Variants in FAM135A observed in about 807,000 individuals in gnomAD.
FAM135A encodes protein FAM135A.
FAM135A carries 79 observed loss-of-function variants against 146.8 expected under a neutral mutation model. The observed-to-expected ratio is 0.54, with a 90% CI of 0.45 to 0.65. The LOEUF is 0.65. Ranked by LOEUF, FAM135A falls within the 30% of genes least tolerant of loss-of-function variation. FAM135A has a pLI of 0.00. For synonymous variants in FAM135A, 562 were observed against 603.6 expected, an observed-to-expected ratio of 0.93 and a Z score of 1.01; for missense variants, 1,623 against 1,758.2, an observed-to-expected ratio of 0.92 and a Z score of 1.38.
chr6:70,452,783 AATGT>A (rs1777413116), intron 5 of FAM135A, among the ~76,000 whole-genome samples: 1 of 152,196 alleles, frequency 6.6e-6, no homozygotes, highest in Non-Finnish European at 1.5e-5. Context: ...CACATCAAAG[AATGT>A]ATATTAAAGT....
intron 5 of FAM135A, among the ~76,000 whole-genome samples, chr6:70,460,093 T>C (rs1212717490): frequency 2.6e-5 from 4 of 152,216 alleles, no homozygotes; most frequent in African/African-American, 9.6e-5. Flanking sequence ...GCTTGTTTTC[T>C]AGATGTAACA....
rs1035041040 is a variant in FAM135A at position 70,502,627 on chromosome 6, T to C, written c.874-9T>C. ...GGAAATAGTGAAATTTTTTTTCTTT[T>C]CATTTCAGAAAATAGAGAATCCTGA... On this transcript the variant is annotated splice_polypyrimidine_tract_variant and intron_variant, in intron 11 of 21. Transcript: ENST00000418814. 2 of 1,600,502 alleles carry C rather than the reference T, an allele frequency of 1.2e-6. No individual in the cohort carries two copies. The highest frequency in any genetic ancestry group is 1.7e-6 in the Non-Finnish European group (2 of 1,175,538).
At chr6:70,429,042 C>T (rs894945271) in intron 4 of FAM135A, among the ~76,000 whole-genome samples, 10 of 152,066 alleles carry the variant, frequency 6.6e-5, no homozygotes, top group African/African-American at 1.4e-4. Context: ...AACAGAAAGA[C>T]GTCTTTCTGG....
chr6:70,519,459 TC>T (rs1442899951), intron 12 of FAM135A, among the ~76,000 whole-genome samples: 1 of 152,222 alleles, frequency 6.6e-6, no homozygotes, highest in African/African-American at 2.4e-5. Context: ...ATTTTGAAGT[TC>T]TACTCTGGGT....
chr6:70,461,349 G>A lies in FAM135A; in HGVS notation c.157+8778G>A, dbSNP rs571369318. 2.0e-5 allele frequency among the ~76,000 whole-genome samples: 3 copies of A among 151,794 alleles called. No individual in the cohort carries two copies. The East Asian group carries it at 5.8e-4, about 29-fold the overall frequency. ...AACTGAAAGTACTTAGACTGTAAAG[G>A]GCTGTATACCTTTTATGTTATATAC... On this transcript the variant is annotated intron_variant, in intron 5 of 21. Transcript: ENST00000418814.
At chr6:70,492,527 A>C (rs1276506871) in intron 11 of FAM135A, among the ~76,000 whole-genome samples, 7 of 151,888 alleles carry the variant, frequency 4.6e-5, no homozygotes, top group Admixed American at 4.6e-4. Flanking sequence ...TTTGTAACAA[A>C]ATATACTATA....
chr6:70,533,664 T>A (rs958350312), intron 17 of FAM135A, 93 bp from the exon 18 acceptor site: 1 of 747,482 alleles, frequency 1.3e-6, no homozygotes, highest in Non-Finnish European at 2.1e-6. Flanking sequence ...AACCATACTT[T>A]CAGTACCTAA....
At chr6:70,470,158 A>G (rs1302216174) in intron 5 of FAM135A, among the ~76,000 whole-genome samples, 4 of 152,192 alleles carry the variant, frequency 2.6e-5, no homozygotes, top group Non-Finnish European at 5.9e-5. Flanking sequence ...TGGTTTTGAT[A>G]AGAACAGTTA....
At chr6:70,452,862 G>A (rs1318002684) in intron 5 of FAM135A, among the ~76,000 whole-genome samples, 2 of 152,106 alleles carry the variant, frequency 1.3e-5, no homozygotes, top group South Asian at 2.1e-4. Flanking sequence ...AAAAAGATAC[G>A]CAGTAAATGG....
chr6:70,473,879 G>C (rs1051014993), intron 5 of FAM135A, among the ~76,000 whole-genome samples: 1 of 152,102 alleles, frequency 6.6e-6, no homozygotes, highest in Non-Finnish European at 1.5e-5. Flanking sequence ...CCTGTACCAG[G>C]CTGCTCCTCT....
chr6:70,425,102 T>A (rs1769757384), intron 2 of FAM135A, among the ~76,000 whole-genome samples: 1 of 148,662 alleles, frequency 6.7e-6, no homozygotes. Flanking sequence ...ATCTAATATA[T>A]ATTTATATAT....
Position 70,560,008 on chromosome 6 carries a change from G to A in FAM135A, c.*87G>A. The A allele has an allele frequency of 9.5e-7, 1 of 1,053,986 alleles. No individual in the cohort carries two copies. The highest frequency in any genetic ancestry group is 1.4e-6 in the Non-Finnish European group (1 of 738,604). 65.3% of individuals were successfully genotyped at this position (1,053,986 alleles called of 1,614,324 possible). ...TATATTAAAATGTAGATGCTGATAA[G>A]TTCTAAGAAATATTTATACCTTTTT... On this transcript the variant is annotated 3_prime_UTR_variant, in exon 22 of 22. Transcript: ENST00000418814.
chr6:70,423,118 GAAC>G (rs1240399690), intron 2 of FAM135A, among the ~76,000 whole-genome samples: 1 of 152,296 alleles, frequency 6.6e-6, no homozygotes, highest in East Asian at 1.9e-4. Flanking sequence ...ATGTTCCAGG[GAAC>G]AACGAGTGCA....
intron 16 of FAM135A, among the ~76,000 whole-genome samples, chr6:70,529,158 G>C (rs948292766): frequency 4.0e-5 from 6 of 151,390 alleles, no homozygotes; most frequent in African/African-American, 1.5e-4. Context: ...TAGAAAAATC[G>C]GTATTTCTAG....
At chr6:70,500,917 G>A (rs6937245) in intron 11 of FAM135A, among the ~76,000 whole-genome samples, 9,319 of 152,174 alleles carry the variant, frequency 0.061, 790 homozygotes, top group African/African-American at 0.19. Flanking sequence ...GTTGTCTGTC[G>A]ACCCCTGTTG....
At chr6:70,455,930 C>A (rs745493824) in intron 5 of FAM135A, among the ~76,000 whole-genome samples, 1 of 152,172 alleles carries the variant, frequency 6.6e-6, no homozygotes, top group African/African-American at 2.4e-5. Flanking sequence ...CGGCTCACTG[C>A]AACCTCCGCC....
chr6:70,539,387 T>A (rs1016804122), intron 20 of FAM135A, among the ~76,000 whole-genome samples: 2 of 152,218 alleles, frequency 1.3e-5, no homozygotes, highest in African/African-American at 4.8e-5. Context: ...CATTGTAGTA[T>A]GAAAACAACC....
chr6:70,503,001 G>T (rs1232572030), intron 12 of FAM135A: 2 of 408,062 alleles, frequency 4.9e-6, no homozygotes, highest in Non-Finnish European at 8.3e-6. Context: ...AATCCCTGCT[G>T]CTAAGAAAAA....
chr6:70,453,943 G>A (rs925098275), intron 5 of FAM135A, among the ~76,000 whole-genome samples: 3 of 152,132 alleles, frequency 2.0e-5, no homozygotes, highest in Non-Finnish European at 2.9e-5. Context: ...TGAGATCGCT[G>A]GGTCAAACGA....
Sources: gnomAD v4.1 joint callset for allele counts (sites outside exome capture counted in the v4.1 genomes callset) on GRCh38, gnomAD v4.1.1 for gene constraint, MANE v1.5 for transcripts, NCBI Gene and HGNC (gene_info 2026-07-23, HGNC 2026-07-21) for gene names.